MAGI2: variants seen among roughly 807,000 people sequenced by gnomAD.
The protein encoded by MAGI2 is membrane associated guanylate kinase, WW and PDZ domain containing 2, also known as membrane-associated guanylate kinase, WW and PDZ domain-containing protein 2.
Under a neutral mutation model 133.3 loss-of-function variants are expected in MAGI2, and 35 were observed. The ratio of observed to expected loss-of-function variants is 0.26; its 90% CI spans 0.20 to 0.35. MAGI2 has a LOEUF of 0.35. Ranked by LOEUF, MAGI2 falls within the 10% of genes least tolerant of loss-of-function variation. MAGI2 has a pLI of 1.00. For synonymous variants in MAGI2, 729 were observed against 710.6 expected (o/e 1.03, Z -0.41); for missense variants, 1,636 against 1,863.4 (o/e 0.88, Z 2.25).
chr7:78,645,439 T>C (rs1810769304), intron 2 of MAGI2, among the ~76,000 whole-genome samples: 1 of 152,228 alleles, frequency 6.6e-6, no homozygotes, highest in East Asian at 1.9e-4. Context: ...GAACAATATG[T>C]AAAAAGGACA....
In MAGI2 at chr7:78,765,840, A is replaced by G. The variant is rs555751040; in HGVS notation, c.419-138601T>C. 3.3e-5 allele frequency among the ~76,000 whole-genome samples: 5 copies of G among 152,342 alleles called. No individual in the cohort carries two copies. In the South Asian group the frequency reaches 6.2e-4, roughly 19 times the overall value. ...AAAACACCCGAGAAGTGTAATGAAG[A>G]AAAAGCATGAGAAGCCTGGAGCACA... On this transcript the variant is annotated intron_variant, in intron 2 of 21. Transcript: ENST00000354212.
chr7:79,434,074 A>G (rs1847972992), intron 1 of MAGI2, among the ~76,000 whole-genome samples: 1 of 152,094 alleles, frequency 6.6e-6, no homozygotes, highest in Admixed American at 6.6e-5. Context: ...TTATTTTTCT[A>G]AAAGCCTGAA....
At chr7:78,397,445 T>C (rs866115633) in intron 6 of MAGI2, among the ~76,000 whole-genome samples, 1 of 151,994 alleles carries the variant, frequency 6.6e-6, no homozygotes, top group South Asian at 2.1e-4. Context: ...CTTTGATGTA[T>C]TGCTTGTAAT....
At chr7:78,251,170 T>C (rs373037062) in intron 10 of MAGI2, among the ~76,000 whole-genome samples, 1 of 152,112 alleles carries the variant, frequency 6.6e-6, no homozygotes, top group Admixed American at 6.6e-5. Flanking sequence ...AAACATTTGA[T>C]AAAAACCAAG....
intron 1 of MAGI2, among the ~76,000 whole-genome samples, chr7:79,201,527 T>C (rs1828615002): frequency 6.6e-6 from 1 of 151,928 alleles, no homozygotes; most frequent in African/African-American, 2.4e-5. Flanking sequence ...GTTTTGCTTT[T>C]TGTTTGTTTT....
chr7:78,761,466 ATTT>A (rs763019901), intron 2 of MAGI2, among the ~76,000 whole-genome samples: 4 of 138,300 alleles, frequency 2.9e-5, no homozygotes, highest in African/African-American at 8.0e-5. Flanking sequence ...GTAGATTCTG[ATTT>A]TTTTTTTTTT....
chr7:78,624,803 G>A (rs979260968), intron 3 of MAGI2, among the ~76,000 whole-genome samples: 2 of 152,042 alleles, frequency 1.3e-5, no homozygotes, highest in Non-Finnish European at 2.9e-5. Flanking sequence ...TAGCACATAC[G>A]GTTATGTATA....
intron 6 of MAGI2, among the ~76,000 whole-genome samples, chr7:78,457,825 T>C (rs1179737668): frequency 1.3e-5 from 2 of 152,202 alleles, no homozygotes; most frequent in Non-Finnish European, 2.9e-5. Context: ...GAGATTCAAA[T>C]CCACTTCTGT....
intron 1 of MAGI2, among the ~76,000 whole-genome samples, chr7:79,283,464 T>C (rs961061197): frequency 1.2e-4 from 18 of 152,132 alleles, no homozygotes; most frequent in Admixed American, 1.2e-3. Flanking sequence ...TCATTACTAA[T>C]GGAATCTAGA....
chr7:78,168,072 C>A lies in MAGI2; in HGVS notation c.2440G>T (p.Asp814Tyr), dbSNP rs369496058. Residue 814 changes from aspartate to tyrosine, a missense_variant, in exon 15 of 22, where the codon GAC becomes TAC. Asp to Tyr is a radical substitution (Grantham distance 160). Around this residue, in one of 5 missense-constraint regions of MAGI2, gnomAD observed 920 missense variants for 1,093.5 expected, o/e 0.84. Transcript: ENST00000354212. Reference sequence around the variant, plus strand: ...CCTGGGTGAAGGCGGCCATCTCTGTCGGCTGAGCCCATGGCAATGACAGCT... The same window carrying A: ...CCTGGGTGAAGGCGGCCATCTCTGTAGGCTGAGCCCATGGCAATGACAGCT... ...IGAVIAMGSA[D>Y]RDGRLHPGDE... 1.2e-6 allele frequency: 2 copies of A among 1,614,014 alleles called. No individual in the cohort carries two copies. Among genetic ancestry groups the A allele is most frequent in the Non-Finnish European group, 1.7e-6 (2 of 1,179,992 alleles).
chr7:79,267,223 T>C (rs1434856930), intron 1 of MAGI2, among the ~76,000 whole-genome samples: 2 of 152,184 alleles, frequency 1.3e-5, no homozygotes, highest in Non-Finnish European at 2.9e-5. Flanking sequence ...CTTGGCACCA[T>C]GCATAAATGC....
chr7:78,767,293 A>G (rs1032082186), intron 2 of MAGI2, among the ~76,000 whole-genome samples: 1 of 152,090 alleles, frequency 6.6e-6, no homozygotes, highest in Non-Finnish European at 1.5e-5. Context: ...CCAGCCTATA[A>G]CAAAGTTCTA....
chr7:79,186,713 A>G (rs1217721626), intron 1 of MAGI2, among the ~76,000 whole-genome samples: 1 of 145,604 alleles, frequency 6.9e-6, no homozygotes, highest in African/African-American at 2.5e-5. Context: ...AAGTATATAT[A>G]TATATTTATA....
chr7:78,342,510 G>A (rs956234952), intron 9 of MAGI2, among the ~76,000 whole-genome samples: 3 of 152,046 alleles, frequency 2.0e-5, no homozygotes, highest in East Asian at 1.9e-4. Flanking sequence ...ACATGCACAC[G>A]TATGTTTACT....
At chr7:79,140,840 ATTATT>A (rs758829831) in intron 1 of MAGI2, among the ~76,000 whole-genome samples, 1 of 152,178 alleles carries the variant, frequency 6.6e-6, no homozygotes, top group African/African-American at 2.4e-5. Context: ...AAATTACGAG[ATTATT>A]TTAAGATATT....
rs189941263 is a variant in MAGI2 at position 79,150,673 on chromosome 7, C to T, written c.302-143467G>A. ...ATAATATAACTTCCCAGAATGTTTA[C>T]ATGATATTTCATATCAGGTGGGCCA... On this transcript the variant is annotated intron_variant, in intron 1 of 21. Coordinates refer to ENST00000354212, the MANE Select transcript of MAGI2 (RefSeq NM_012301.4). 3.5e-3 allele frequency among the ~76,000 whole-genome samples: 487 copies of T among 139,118 alleles called. 1 individual carries two copies. Among genetic ancestry groups the T allele is most frequent in the Non-Finnish European group, 3.9e-3 (243 of 62,614 alleles). 91.3% of individuals were successfully genotyped at this position (139,118 alleles called of 152,430 possible).
chr7:78,543,560 TA>T (rs1408674894), intron 3 of MAGI2, among the ~76,000 whole-genome samples: 14 of 152,326 alleles, frequency 9.2e-5, no homozygotes, highest in African/African-American at 3.4e-4. Context: ...ACTCTCTCCA[TA>T]GAAAAGGGCA....
intron 2 of MAGI2, among the ~76,000 whole-genome samples, chr7:78,774,760 G>C (rs1412078764): frequency 1.3e-5 from 2 of 152,146 alleles, no homozygotes; most frequent in Non-Finnish European, 2.9e-5. Flanking sequence ...AGCAAAAAAT[G>C]CTTAAGAAGA....
intron 2 of MAGI2, among the ~76,000 whole-genome samples, chr7:78,943,816 T>C (rs1584463884): frequency 6.6e-6 from 1 of 152,140 alleles, no homozygotes; most frequent in Admixed American, 6.5e-5. Flanking sequence ...ATTTAAAATA[T>C]CATGTCTGGA....
Sources: allele counts gnomAD v4.1 joint callset (sites outside exome capture counted in the v4.1 genomes callset), GRCh38; gene constraint gnomAD v4.1.1; regional missense constraint gnomAD v4.1.1; transcripts MANE v1.5; gene names NCBI Gene and HGNC (gene_info 2026-07-23, HGNC 2026-07-21).